The following ZMYM2 variants were observed in gnomAD, a reference collection of about 807,000 sequenced individuals.
The protein encoded by ZMYM2 is zinc finger MYM-type containing 2, also known as zinc finger MYM-type protein 2.
A neutral mutation model predicts 162.8 loss-of-function variants in ZMYM2; 56 were observed. The observed-to-expected ratio is 0.34, with a 90% CI of 0.28 to 0.43. The LOEUF is 0.43. Ranked by LOEUF, ZMYM2 falls within the 20% of genes least tolerant of loss-of-function variation. The pLI is 1.00. For missense variants in ZMYM2, 1,275 were observed against 1,621.8 expected (o/e 0.79, Z 3.67); for synonymous variants, 510 against 541.6 (o/e 0.94, Z 0.81).
chr13:19,976,396 T>G (rs1956796578), intron 2 of ZMYM2, among the ~76,000 whole-genome samples: 1 of 152,078 alleles, frequency 6.6e-6, no homozygotes, highest in African/African-American at 2.4e-5. Context: ...GGTACTTTTT[T>G]TTTCTTTTTT....
chr13:20,061,532 A>C (rs553412167), intron 17 of ZMYM2, among the ~76,000 whole-genome samples: 1 of 152,238 alleles, frequency 6.6e-6, no homozygotes, highest in African/African-American at 2.4e-5. Context: ...AACTTGTAGT[A>C]GACTCTAATG....
At chr13:19,911,515 CG>C in the ZMYM2 span, among the ~76,000 whole-genome samples, 1 of 152,114 alleles carries the variant, frequency 6.6e-6, no homozygotes, top group Admixed American at 6.6e-5. Context: ...AGCTTTTTAT[CG>C]GGGTGACTAT....
At chr13:19,950,876 G>C in the ZMYM2 span, among the ~76,000 whole-genome samples, 1 of 152,118 alleles carries the variant, frequency 6.6e-6, no homozygotes, top group South Asian at 2.1e-4. Context: ...TTTAAAATTT[G>C]CTTCTGTTTT....
chr13:19,908,252 C>T, the ZMYM2 span, among the ~76,000 whole-genome samples: 1 of 152,150 alleles, frequency 6.6e-6, no homozygotes, highest in African/African-American at 2.4e-5. Flanking sequence ...TGGACCACTG[C>T]ACTCCAGCCT....
Position 20,006,115 on chromosome 13 carries a change from C to G in ZMYM2, c.1300-259C>G, listed in dbSNP as rs1594311353. On this transcript the variant is annotated intron_variant, in intron 5 of 24. Transcript: ENST00000610343. ...AGGCGTGGTTGTGTGTGTCTATAGT[C>G]TCAGCTACTCGGGAGGCTGAGGTAG... Among the ~76,000 whole-genome samples, 3 of 151,906 alleles carry G rather than the reference C, an allele frequency of 2.0e-5. No homozygotes were observed. The South Asian group carries it at 6.2e-4, about 32-fold the overall frequency.
chr13:20,007,752 C>G (rs1950862395), intron 6 of ZMYM2, among the ~76,000 whole-genome samples: 1 of 151,304 alleles, frequency 6.6e-6, no homozygotes, highest in South Asian at 2.1e-4. Context: ...TCCTGAGTAG[C>G]TGGGATTACA....
chr13:20,052,289 A>G lies in ZMYM2; in HGVS notation c.2471A>G (p.Gln824Arg). 6.4e-7 allele frequency: 1 copy of G among 1,569,138 alleles called. No homozygotes were observed. The highest frequency in any genetic ancestry group is 1.9e-5 in the Admixed American group (1 of 53,548). ...PENLHYDQGC[Q>R]TSRTKMTGSA... ...TTGTGTTTTTTAGATCAGGGTTGTC[A>G]GACATCTCGAACCAAAATGACAGTA... is the stretch of plus-strand genomic sequence containing the variant. The change falls in exon 14 of 25, where the codon CAG (glutamine) becomes CGG (arginine). Residue 824 changes from glutamine to arginine, a missense_variant. Gln to Arg is a conservative substitution (Grantham distance 43). Around this residue, in one of 10 missense-constraint regions of ZMYM2, gnomAD observed 177 missense variants for 228.0 expected, o/e 0.78. Coordinates refer to ENST00000610343, the MANE Select transcript of ZMYM2 (RefSeq NM_197968.4).
the ZMYM2 span, among the ~76,000 whole-genome samples, chr13:19,928,806 A>C: frequency 2.0e-5 from 3 of 151,770 alleles, no homozygotes; most frequent in Non-Finnish European, 2.9e-5. Context: ...CAAAAAAAAA[A>C]AAAACAAAAA....
At chr13:19,872,836 C>T in the ZMYM2 span, among the ~76,000 whole-genome samples, 1 of 151,388 alleles carries the variant, frequency 6.6e-6, no homozygotes, top group South Asian at 2.1e-4. Context: ...CCCCGTCTGC[C>T]TAAAATACAA....
At chr13:19,910,832 G>A in the ZMYM2 span, among the ~76,000 whole-genome samples, 21 of 152,106 alleles carry the variant, frequency 1.4e-4, no homozygotes, top group Non-Finnish European at 2.6e-4. Context: ...TTACTGTAAT[G>A]GACAGCAGAG....
chr13:19,992,698 G>A (rs373203497), intron 2 of ZMYM2, among the ~76,000 whole-genome samples: 6 of 151,414 alleles, frequency 4.0e-5, no homozygotes. Context: ...TTCCTGTTCA[G>A]ATGTGTGGGA....
chr13:20,007,282 T>C (rs1342408583), intron 6 of ZMYM2, among the ~76,000 whole-genome samples: 1 of 151,884 alleles, frequency 6.6e-6, no homozygotes, highest in African/African-American at 2.4e-5. Flanking sequence ...ATTACAGGCA[T>C]GCGCCACCAC....
At chr13:19,911,537 A>G in the ZMYM2 span, among the ~76,000 whole-genome samples, 1 of 152,202 alleles carries the variant, frequency 6.6e-6, no homozygotes, top group East Asian at 1.9e-4. Context: ...GTATTGGGGA[A>G]AAGGAAATAA....
intron 6 of ZMYM2, among the ~76,000 whole-genome samples, chr13:20,007,959 C>A (rs563058064): frequency 6.6e-5 from 10 of 152,176 alleles, no homozygotes; most frequent in Admixed American, 6.5e-5. Context: ...GTAGTCCTTT[C>A]TCACGCAAAG....
intron 14 of ZMYM2, among the ~76,000 whole-genome samples, chr13:20,057,813 A>G (rs955021112): frequency 8.5e-5 from 13 of 152,250 alleles, no homozygotes; most frequent in Non-Finnish European, 1.6e-4. Flanking sequence ...GCAGTGGTTC[A>G]GTAGTCATTG....
intron 2 of ZMYM2, among the ~76,000 whole-genome samples, chr13:19,973,864 T>A (rs939968821): frequency 1.3e-5 from 2 of 152,076 alleles, no homozygotes; most frequent in Non-Finnish European, 2.9e-5. Flanking sequence ...GGATTTTAGT[T>A]GTTGTTAGCT....
the ZMYM2 span, among the ~76,000 whole-genome samples, chr13:19,942,791 C>T: frequency 1.3e-5 from 2 of 152,056 alleles, no homozygotes; most frequent in Non-Finnish European, 1.5e-5. Context: ...TGAAATGGGA[C>T]AGGTTTTATT....
chr13:19,971,222 A>T (rs950847379), intron 2 of ZMYM2, among the ~76,000 whole-genome samples: 8 of 72,950 alleles, frequency 1.1e-4, no homozygotes, highest in Admixed American at 1.9e-4. Flanking sequence ...TTTTTAGTTT[A>T]TATATATGTG....
In ZMYM2 at chr13:20,033,452, A is replaced by G. The variant is rs1034355640; in HGVS notation, c.1969-802A>G. Among the ~76,000 whole-genome samples the G allele has an allele frequency of 3.3e-5, 5 of 152,142 alleles. No individual in the cohort carries two copies. The South Asian group carries it at 1.0e-3, about 32-fold the overall frequency. On this transcript the variant is annotated intron_variant, in intron 10 of 24. Transcript: ENST00000610343. The stretch of plus-strand genomic sequence containing the variant: ...GCTTCTTTGTTGCCTTCCTCCTTCT[A>G]TAAATTACATAGTCATAATGGGGCA...
Sources: gnomAD v4.1 joint callset for allele counts (sites outside exome capture counted in the v4.1 genomes callset) on GRCh38, gnomAD v4.1.1 for gene constraint, gnomAD v4.1.1 regional missense constraint, MANE v1.5 for transcripts, NCBI Gene and HGNC (gene_info 2026-07-23, HGNC 2026-07-21) for gene names.